The following RBFOX1 variants were observed in gnomAD, a reference collection of about 807,000 sequenced individuals.
The protein encoded by RBFOX1 is RNA binding fox-1 homolog 1.
Under a neutral mutation model 57.7 loss-of-function variants are expected in RBFOX1, and 8 were observed. The ratio of observed to expected loss-of-function variants is 0.14; its 90% CI spans 0.08 to 0.25. The LOEUF is 0.25. Among genes scored for constraint, RBFOX1 ranks in the 10% least tolerant of loss-of-function variants. The pLI is 1.00. For synonymous variants in RBFOX1, 326 were observed against 222.4 expected, an observed-to-expected ratio of 1.47 and a Z score of -4.15; for missense variants, 611 against 548.5, an observed-to-expected ratio of 1.11 and a Z score of -1.14.
chr16:6,311,426 C>A (rs1292109512), intron 1 of RBFOX1, among the ~76,000 whole-genome samples: 2 of 151,760 alleles, frequency 1.3e-5, no homozygotes, highest in African/African-American at 4.8e-5. Context: ...AGAGACCAAG[C>A]ATCTGATGTG....
intron 3 of RBFOX1, among the ~76,000 whole-genome samples, chr16:6,656,493 C>G (rs1326270854): frequency 5.9e-5 from 9 of 151,952 alleles, no homozygotes; most frequent in Non-Finnish European, 8.8e-5. Flanking sequence ...ATGATGGCAA[C>G]TGCCCTGGTT....
chr16:5,845,115 C>T (rs977594558), intron 3 of RBFOX1, among the ~76,000 whole-genome samples: 5 of 149,240 alleles, frequency 3.4e-5, no homozygotes, highest in African/African-American at 7.4e-5. Flanking sequence ...ATTTCAGAGG[C>T]CTGTATTCCC....
intron 3 of RBFOX1, among the ~76,000 whole-genome samples, chr16:7,048,010 C>T (rs56256527): frequency 0.038 from 5,781 of 151,610 alleles, 388 homozygotes; most frequent in African/African-American, 0.13. Context: ...GTCTGAGTAG[C>T]TGGGAATAAA....
intron 4 of RBFOX1, among the ~76,000 whole-genome samples, chr16:7,474,211 T>C (rs778632237): frequency 6.6e-6 from 1 of 151,508 alleles, no homozygotes; most frequent in Non-Finnish European, 1.5e-5. Flanking sequence ...CGCTTGAACA[T>C]GGGAGGCGGA....
chr16:6,043,828 A>T (rs1246963105), intron 1 of RBFOX1, among the ~76,000 whole-genome samples: 1 of 152,140 alleles, frequency 6.6e-6, no homozygotes, highest in Non-Finnish European at 1.5e-5. Context: ...GTTAAATGAT[A>T]CCAAGGCTTC....
intron 3 of RBFOX1, among the ~76,000 whole-genome samples, chr16:6,820,028 G>C (rs1454793739): frequency 6.6e-6 from 1 of 152,066 alleles, no homozygotes; most frequent in African/African-American, 2.4e-5. Flanking sequence ...TATGTCATGG[G>C]AGGCACCCAA....
intron 3 of RBFOX1, among the ~76,000 whole-genome samples, chr16:6,919,869 T>C (rs1289489805): frequency 6.6e-6 from 1 of 151,654 alleles, no homozygotes; most frequent in Non-Finnish European, 1.5e-5. Context: ...TTCTGAGATT[T>C]TGGTGCACCC....
chr16:6,840,897 A>AAAAAAG (rs1555518570), intron 3 of RBFOX1, among the ~76,000 whole-genome samples: 15 of 137,496 alleles, frequency 1.1e-4, no homozygotes, highest in Non-Finnish European at 1.1e-4. Flanking sequence ...CAAAAAAAAA[A>AAAAAAG]AAAAAAACGA....
rs188797568 is a variant in RBFOX1, at chr16:7,476,376, G to A, written c.28-41771G>A. Among the ~76,000 whole-genome samples, 24 of 152,272 alleles carry A rather than the reference G, an allele frequency of 1.6e-4. No homozygotes were observed. In the East Asian group the frequency reaches 3.9e-3, roughly 24 times the overall value. On this transcript the variant is annotated intron_variant, in intron 4 of 15. Coordinates refer to ENST00000550418, the MANE Select transcript of RBFOX1 (RefSeq NM_018723.4). ...TCTTCAGATCCTCCATCTGGAATAC[G>A]TGAAGATTTAATGAGATGATATCTA...
intron 3 of RBFOX1, among the ~76,000 whole-genome samples, chr16:7,050,696 A>G (rs182765710): frequency 7.2e-5 from 11 of 152,260 alleles, no homozygotes; most frequent in South Asian, 4.2e-4. Context: ...TCATATCTCT[A>G]TATTTAAAAC....
intron 3 of RBFOX1, among the ~76,000 whole-genome samples, chr16:5,865,329 C>A (rs149893120): frequency 6.6e-6 from 1 of 152,108 alleles, no homozygotes; most frequent in South Asian, 2.1e-4. Flanking sequence ...GCTGCTTTCC[C>A]AGTCCTGAAC....
At chr16:6,316,367 T>C (rs2081123834) in intron 1 of RBFOX1, among the ~76,000 whole-genome samples, 1 of 152,240 alleles carries the variant, frequency 6.6e-6, no homozygotes, top group South Asian at 2.1e-4. Context: ...GATTGGGTGA[T>C]GATAGCCATA....
At position 6,270,722 on chromosome 16, in the gene RBFOX1, C is replaced by T. The variant is rs192663612; in HGVS notation, c.-126-46273C>T. 1.1e-4 allele frequency among the ~76,000 whole-genome samples: 16 copies of T among 152,278 alleles called. No homozygotes were observed. In the East Asian group the frequency reaches 2.9e-3, roughly 28 times the overall value. ...GAACAATGCAACCATTATCCATCAACGAGGACTAATCAACATTATAGAACA... is the reference window on the plus strand; with the variant it reads ...GAACAATGCAACCATTATCCATCAATGAGGACTAATCAACATTATAGAACA... On this transcript the variant is annotated intron_variant, in intron 1 of 15. Coordinates refer to ENST00000550418, the MANE Select transcript of RBFOX1 (RefSeq NM_018723.4).
At chr16:6,950,002 A>G (rs922092553) in intron 3 of RBFOX1, among the ~76,000 whole-genome samples, 1 of 149,792 alleles carries the variant, frequency 6.7e-6, no homozygotes, top group Non-Finnish European at 1.5e-5. Context: ...GCTGGAGTGC[A>G]GTGGTGTGTT....
chr16:5,864,972 G>T (rs924811510), intron 3 of RBFOX1, among the ~76,000 whole-genome samples: 1 of 152,186 alleles, frequency 6.6e-6, no homozygotes, highest in Non-Finnish European at 1.5e-5. Flanking sequence ...ACAGCTATGT[G>T]TATGCCTTTT....
At chr16:7,673,802 G>T (rs573420726) in intron 13 of RBFOX1, among the ~76,000 whole-genome samples, 1 of 152,184 alleles carries the variant, frequency 6.6e-6, no homozygotes, top group Non-Finnish European at 1.5e-5. Flanking sequence ...TGGGAGCGTA[G>T]AACTATTTTG....
At chr16:6,769,580 C>T (rs2077958687) in intron 3 of RBFOX1, among the ~76,000 whole-genome samples, 1 of 152,194 alleles carries the variant, frequency 6.6e-6, no homozygotes, top group Non-Finnish European at 1.5e-5. Flanking sequence ...AATGCTGAAA[C>T]AGCTTCATTG....
At chr16:5,559,698 C>A (rs1381371556) in intron 2 of RBFOX1, among the ~76,000 whole-genome samples, 1 of 152,154 alleles carries the variant, frequency 6.6e-6, no homozygotes, top group Non-Finnish European at 1.5e-5. Flanking sequence ...AATAAACTTC[C>A]CAAATCTCTT....
chr16:5,969,298 CT>C (rs71142659), intron 4 of RBFOX1, among the ~76,000 whole-genome samples: 8,342 of 83,684 alleles, frequency 0.1, 31 homozygotes, highest in African/African-American at 0.24. Flanking sequence ...TTCGGTTGTT[CT>C]TTTTTTTTTT....
Sources: gnomAD v4.1 joint callset for allele counts (sites outside exome capture counted in the v4.1 genomes callset) on GRCh38, gnomAD v4.1.1 for gene constraint, MANE v1.5 for transcripts, NCBI Gene and HGNC (gene_info 2026-07-23, HGNC 2026-07-21) for gene names.